DLGAP1: variants seen among roughly 807,000 people sequenced by gnomAD.
The protein encoded by DLGAP1 is disks large-associated protein 1.
A neutral mutation model predicts 90.8 loss-of-function variants in DLGAP1; 11 were observed. The observed-to-expected ratio is 0.12, with a 90% CI of 0.08 to 0.20. The LOEUF is 0.20. DLGAP1 is among the 10% of genes least tolerant of loss of function. DLGAP1 has a pLI of 1.00. For synonymous variants in DLGAP1, 558 were observed against 540.7 expected (o/e 1.03, Z -0.44); for missense variants, 1,050 against 1,333.8 (o/e 0.79, Z 3.31).
chr18:4,416,382 T>G (rs1331713593), intron 1 of DLGAP1, among the ~76,000 whole-genome samples: 1 of 132,734 alleles, frequency 7.5e-6, no homozygotes, highest in Non-Finnish European at 1.6e-5. Context: ...ATTGGCACAT[T>G]TTATTAATAA....
rs569658252 is a variant in DLGAP1 at position 4,159,127 on chromosome 18, A to G, written c.-266-7840T>C. Among the ~76,000 whole-genome samples, 12 of 152,330 alleles carry G rather than the reference A, an allele frequency of 7.9e-5. 1 individual carries two copies. Among genetic ancestry groups the G allele is most frequent in the Admixed American group, 7.2e-4 (11 of 15,296 alleles). On this transcript the variant is annotated intron_variant, in intron 1 of 12. Coordinates refer to ENST00000315677, the MANE Select transcript of DLGAP1 (RefSeq NM_004746.4). ...ATTGCACATTATTTCTTTAAAGATG[A>G]CATAATGTGCACATAGTACCTTGCT...
At chr18:4,350,103 T>C (rs1031666947) in intron 1 of DLGAP1, among the ~76,000 whole-genome samples, 12 of 152,186 alleles carry the variant, frequency 7.9e-5, no homozygotes, top group African/African-American at 2.9e-4. Context: ...AGAATTGTTT[T>C]CTTCTTCAAT....
At chr18:4,214,963 G>A (rs1007150193) in intron 1 of DLGAP1, among the ~76,000 whole-genome samples, 3 of 151,970 alleles carry the variant, frequency 2.0e-5, no homozygotes, top group African/African-American at 7.2e-5. Context: ...TAAAAAGAAC[G>A]ACATTTTAGG....
chr18:4,391,741 A>C (rs1281465232), intron 1 of DLGAP1, among the ~76,000 whole-genome samples: 1 of 152,140 alleles, frequency 6.6e-6, no homozygotes, highest in African/African-American at 2.4e-5. Flanking sequence ...CCCTTTGTTA[A>C]GGTATGCTCC....
intron 1 of DLGAP1, among the ~76,000 whole-genome samples, chr18:4,382,806 T>A (rs1472863795): frequency 1.3e-5 from 2 of 152,172 alleles, no homozygotes; most frequent in Non-Finnish European, 2.9e-5. Flanking sequence ...TATACTACTT[T>A]AGGCATAATA....
intron 4 of DLGAP1, among the ~76,000 whole-genome samples, chr18:3,852,079 G>A (rs1356633518): frequency 6.6e-6 from 1 of 152,158 alleles, no homozygotes; most frequent in Non-Finnish European, 1.5e-5. Flanking sequence ...CATATGCATA[G>A]CTGTGATCTC....
chr18:4,152,580 T>A (rs1310912076), intron 1 of DLGAP1, among the ~76,000 whole-genome samples: 2 of 152,336 alleles, frequency 1.3e-5, no homozygotes, highest in East Asian at 3.9e-4. Context: ...TACAATTCTC[T>A]GCAGAATTTG....
chr18:3,674,811 T>C (rs1417966104), intron 7 of DLGAP1, among the ~76,000 whole-genome samples: 1 of 126,936 alleles, frequency 7.9e-6, no homozygotes, highest in Non-Finnish European at 1.7e-5. Flanking sequence ...TCACCTCCAC[T>C]ATCAGTACCG....
At chr18:4,214,357 C>A (rs570211593) in intron 1 of DLGAP1, among the ~76,000 whole-genome samples, 55 of 151,274 alleles carry the variant, frequency 3.6e-4, no homozygotes, top group African/African-American at 1.2e-3. Context: ...TAAAACCCTG[C>A]GTTTAACTCT....
intron 1 of DLGAP1, among the ~76,000 whole-genome samples, chr18:4,392,535 C>T (rs1420232691): frequency 2.6e-5 from 4 of 152,020 alleles, no homozygotes; most frequent in Non-Finnish European, 4.4e-5. Flanking sequence ...TTAAAAAATG[C>T]CTTCTTGAGG....
At position 4,383,368 on chromosome 18, in the gene DLGAP1, G is replaced by A. The variant is rs1431919678; in HGVS notation, c.-267+71638C>T. ...TTTAGTACATTAATGGGATTTTCATGGTTTTCATTAGCATTCATTTTCCTT... is the reference window on the plus strand; with the variant it reads ...TTTAGTACATTAATGGGATTTTCATAGTTTTCATTAGCATTCATTTTCCTT... On this transcript the variant is annotated intron_variant, in intron 1 of 12. Transcript: ENST00000315677. This position sits in a 1 kb window ranked among gnomAD's most constrained non-coding sequence, Gnocchi z 4.0. Among the ~76,000 whole-genome samples, 2 of 151,950 alleles carry A rather than the reference G, an allele frequency of 1.3e-5. No homozygotes were observed. Among genetic ancestry groups the A allele is most frequent in the African/African-American group, 2.4e-5 (1 of 41,368 alleles).
chr18:3,699,853 G>A (rs1033026840), intron 7 of DLGAP1, among the ~76,000 whole-genome samples: 9 of 152,226 alleles, frequency 5.9e-5, no homozygotes, highest in Non-Finnish European at 1.3e-4. Flanking sequence ...GAGGAAGCTA[G>A]AGAGGCAGTC....
intron 3 of DLGAP1, among the ~76,000 whole-genome samples, chr18:3,987,172 T>C (rs1012627681): frequency 6.6e-5 from 10 of 152,278 alleles, no homozygotes; most frequent in African/African-American, 2.2e-4. Context: ...ATCTGTCAAA[T>C]GGTAGAGTGC....
intron 1 of DLGAP1, among the ~76,000 whole-genome samples, chr18:4,359,639 T>C (rs889006949): frequency 1.3e-5 from 2 of 152,140 alleles, no homozygotes; most frequent in African/African-American, 4.8e-5. Flanking sequence ...GACCTAGCAA[T>C]TGGTGGGGAA....
At chr18:4,228,426 G>C (rs2078236214) in intron 1 of DLGAP1, among the ~76,000 whole-genome samples, 1 of 151,890 alleles carries the variant, frequency 6.6e-6, no homozygotes, top group African/African-American at 2.4e-5. Flanking sequence ...TGATGAACAT[G>C]GATCAGAAAT....
chr18:3,638,259 T>G (rs1374079148), intron 7 of DLGAP1, among the ~76,000 whole-genome samples: 1 of 150,750 alleles, frequency 6.6e-6, no homozygotes, highest in Non-Finnish European at 1.5e-5. Context: ...TTTTTTTTTT[T>G]TTTTTTGAGG....
chr18:4,231,514 T>C (rs532826575), intron 1 of DLGAP1, among the ~76,000 whole-genome samples: 1 of 152,306 alleles, frequency 6.6e-6, no homozygotes, highest in East Asian at 1.9e-4. Context: ...GCAAAATTAC[T>C]GTGAAGCAAT....
chr18:3,840,653 C>A (rs937402152), intron 4 of DLGAP1, among the ~76,000 whole-genome samples: 18 of 152,160 alleles, frequency 1.2e-4, no homozygotes, highest in African/African-American at 4.3e-4. Context: ...CCATCTGGAG[C>A]CTCTATTCCA....
intron 7 of DLGAP1, among the ~76,000 whole-genome samples, chr18:3,615,913 A>G (rs1396104413): frequency 6.6e-6 from 1 of 152,194 alleles, no homozygotes; most frequent in African/African-American, 2.4e-5. Context: ...GTATTTTAAA[A>G]GGGAGGTTTC....
Sources: gnomAD v4.1 joint callset for allele counts (sites outside exome capture counted in the v4.1 genomes callset) on GRCh38, gnomAD v4.1.1 for gene constraint, Gnocchi (gnomAD v3.1) non-coding constraint, MANE v1.5 for transcripts, NCBI Gene and HGNC (gene_info 2026-07-23, HGNC 2026-07-21) for gene names.